The following CMSS1 variants were observed in gnomAD, a reference collection of about 807,000 sequenced individuals.
The protein encoded by CMSS1 is protein CMSS1.
A neutral mutation model predicts 43.5 loss-of-function variants in CMSS1; 33 were observed. The observed-to-expected ratio is 0.76, with a 90% CI of 0.57 to 1.01. The LOEUF (loss-of-function observed/expected upper bound fraction) is 1.01. Among genes scored for constraint, CMSS1 ranks in the 50% least tolerant of loss-of-function variants. The probability of loss-of-function intolerance (pLI) is 0.00; values close to 1 mark genes in which losing one functional copy is unlikely to be tolerated. For synonymous variants in CMSS1, 115 were observed against 117.2 expected (o/e 0.98, Z 0.12); for missense variants, 313 against 326.4 (o/e 0.96, Z 0.32).
At chr3:100,059,811 T>C (rs6802422) in intron 1 of CMSS1, among the ~76,000 whole-genome samples, 28,132 of 152,106 alleles carry the variant, frequency 0.18, 2,945 homozygotes, top group South Asian at 0.25. Flanking sequence ...TGTGTATGTA[T>C]CATCTCCTGA....
rs1460353414 is a variant in CMSS1 at position 100,180,162 on chromosome 3, G to C, written c.*1774G>C. ...CCACGAAACCATTTTTTTCCTCCTA[G>C]GCCTCTGGGCCTGTTTGGTGGGGCT... On this transcript the variant is annotated 3_prime_UTR_variant, in exon 10 of 10. Transcript: ENST00000421999. 6.6e-6 allele frequency: 1 copy of C among 152,260 alleles called. No individual in the cohort carries two copies. Among genetic ancestry groups the C allele is most frequent in the Non-Finnish European group, 1.5e-5 (1 of 68,102 alleles). 9.4% of individuals were successfully genotyped at this position (152,260 alleles called of 1,614,324 possible).
chr3:100,014,280 A>G (rs1559725581), intron 1 of CMSS1, among the ~76,000 whole-genome samples: 2 of 151,986 alleles, frequency 1.3e-5, no homozygotes, highest in African/African-American at 4.8e-5. Context: ...CTTGACTGTT[A>G]TGAATAATGC....
chr3:100,003,961 G>A (rs1252425082), intron 1 of CMSS1, among the ~76,000 whole-genome samples: 1 of 152,072 alleles, frequency 6.6e-6, no homozygotes, highest in Non-Finnish European at 1.5e-5. Context: ...TCTATGCCTG[G>A]GAATGAACCT....
At chr3:100,112,277 G>T (rs1012805139) in intron 1 of CMSS1, among the ~76,000 whole-genome samples, 1 of 152,076 alleles carries the variant, frequency 6.6e-6, no homozygotes, top group African/African-American at 2.4e-5. Flanking sequence ...TTTGCTTTAG[G>T]TTAGAACATA....
chr3:99,869,616 A>G (rs889625080), intron 1 of CMSS1, among the ~76,000 whole-genome samples: 1 of 152,068 alleles, frequency 6.6e-6, no homozygotes, highest in Non-Finnish European at 1.5e-5. Flanking sequence ...GAAACCAGCA[A>G]CTTTCTCATG....
intron 1 of CMSS1, among the ~76,000 whole-genome samples, chr3:100,132,555 C>T (rs376376345): frequency 7.2e-4 from 109 of 152,218 alleles, no homozygotes; most frequent in Non-Finnish European, 1.2e-3. Flanking sequence ...TGCGGTGGCT[C>T]ACGCCTGTAA....
intron 1 of CMSS1, chr3:99,931,128 T>A: frequency 3.1e-6 from 3 of 981,012 alleles, no homozygotes; most frequent in Non-Finnish European, 4.6e-6. Context: ...TTGTTATATT[T>A]ACCACAGCCC....
intron 1 of CMSS1, among the ~76,000 whole-genome samples, chr3:99,878,849 G>GA (rs1318180881): frequency 6.6e-6 from 1 of 152,216 alleles, no homozygotes; most frequent in Non-Finnish European, 1.5e-5. Context: ...CACATAAGTA[G>GA]ATGAGTAGAC....
At chr3:99,927,693 G>A (rs1707339517) in intron 1 of CMSS1, among the ~76,000 whole-genome samples, 1 of 151,998 alleles carries the variant, frequency 6.6e-6, no homozygotes, top group South Asian at 2.1e-4. Context: ...TATATTTTTT[G>A]GAAGAACTAA....
intron 6 of CMSS1, 23 bp from the exon 7 acceptor site, chr3:100,171,816 A>C (rs757738238): frequency 1.2e-6 from 2 of 1,611,024 alleles, no homozygotes; most frequent in Non-Finnish European, 1.7e-6. Context: ...TTTCTTAAGC[A>C]TTCACCTGCT....
At chr3:99,967,612 C>T (rs551290868) in intron 1 of CMSS1, among the ~76,000 whole-genome samples, 6 of 152,278 alleles carry the variant, frequency 3.9e-5, no homozygotes, top group Admixed American at 2.0e-4. Context: ...TGGTCTCTCA[C>T]GACACATGCA....
At chr3:99,862,012 G>T (rs1944285269) in intron 1 of CMSS1, among the ~76,000 whole-genome samples, 1 of 152,156 alleles carries the variant, frequency 6.6e-6, no homozygotes, top group Non-Finnish European at 1.5e-5. Flanking sequence ...TTATCATAGT[G>T]CCTGGCACAA....
chr3:99,949,428 T>C (rs1371255722), intron 1 of CMSS1, among the ~76,000 whole-genome samples: 1 of 152,242 alleles, frequency 6.6e-6, no homozygotes, highest in African/African-American at 2.4e-5. Context: ...GTCAGTTGTA[T>C]AGTAGTTCTT....
intron 1 of CMSS1, chr3:100,141,441 G>A: frequency 1.2e-5 from 5 of 400,362 alleles, no homozygotes; most frequent in East Asian, 7.8e-5. Flanking sequence ...AACAGACAAT[G>A]GTCTTAACAT....
At chr3:99,929,553 T>C (rs1707407568) in intron 1 of CMSS1, among the ~76,000 whole-genome samples, 1 of 151,834 alleles carries the variant, frequency 6.6e-6, no homozygotes, top group Non-Finnish European at 1.5e-5. Flanking sequence ...AGCACATGTA[T>C]GTGTGTGCAT....
intron 1 of CMSS1, among the ~76,000 whole-genome samples, chr3:100,135,719 C>A (rs1335800917): frequency 6.7e-6 from 1 of 148,962 alleles, no homozygotes; most frequent in African/African-American, 2.6e-5. Flanking sequence ...AGAAAATAAC[C>A]ATTAAGTTTG....
Position 100,106,760 on chromosome 3 carries a change from T to G in CMSS1, c.65-40213T>G, listed in dbSNP as rs574719645. Among the ~76,000 whole-genome samples, 5 of 152,320 alleles carry G rather than the reference T, an allele frequency of 3.3e-5. No homozygotes were observed. In the South Asian group the frequency reaches 1.0e-3, roughly 32 times the overall value. On this transcript the variant is annotated intron_variant, in intron 1 of 9. Transcript: ENST00000421999. Reference sequence around the variant, plus strand: ...TACCCCATCTGATTCACTCAAATTGTGTCTAACTGGTGGTTGTACTACTCC... The same window carrying G: ...TACCCCATCTGATTCACTCAAATTGGGTCTAACTGGTGGTTGTACTACTCC...
At chr3:99,870,778 A>T (rs1278667428) in intron 1 of CMSS1, among the ~76,000 whole-genome samples, 1 of 152,232 alleles carries the variant, frequency 6.6e-6, no homozygotes, top group Non-Finnish European at 1.5e-5. Context: ...TTACCCACAG[A>T]AACTTTGGAA....
Position 100,162,285 on chromosome 3 carries a change from T to C in CMSS1, c.226-18T>C, listed in dbSNP as rs780481224. ...TTTAAAATATGTCGTCCCATTTTTC[T>C]TCTTTCTCATATCTTAGAAGAAAAT... On this transcript the variant is annotated intron_variant, in intron 3 of 9. Coordinates refer to ENST00000421999, the MANE Select transcript of CMSS1 (RefSeq NM_032359.4). 3.1e-6 allele frequency: 5 copies of C among 1,602,868 alleles called. No individual in the cohort carries two copies. The highest frequency in any genetic ancestry group is 4.3e-6 in the Non-Finnish European group (5 of 1,175,182).
Sources: gnomAD v4.1 joint callset for allele counts (sites outside exome capture counted in the v4.1 genomes callset) on GRCh38, gnomAD v4.1.1 for gene constraint, MANE v1.5 for transcripts, NCBI Gene and HGNC (gene_info 2026-07-23, HGNC 2026-07-21) for gene names.